Variants in ZNRF3 observed in about 807,000 individuals in gnomAD.
ZNRF3 encodes zinc and ring finger 3.
In ZNRF3, 23 loss-of-function variants were observed where a neutral mutation model predicts 72.5. That is an observed-to-expected ratio of 0.32 (90% CI 0.23 to 0.45). The LOEUF (loss-of-function observed/expected upper bound fraction) is 0.45. ZNRF3 is among the 20% of genes least tolerant of loss of function. The pLI, the probability that ZNRF3 is intolerant of heterozygous loss-of-function variation, is 1.00. For missense variants in ZNRF3, 1,169 were observed against 1,272.1 expected (o/e 0.92, Z 1.23); for synonymous variants, 610 against 545.3 (o/e 1.12, Z -1.65).
Position 29,050,536 on chromosome 22 carries a change from G to A in ZNRF3, c.2355G>A (p.Lys785=), listed in dbSNP as rs1300338370. Residue 785 remains lysine (K), a synonymous_variant, in exon 8 of 9, where the codon AAG becomes AAA. Coordinates refer to ENST00000544604, the MANE Select transcript of ZNRF3 (RefSeq NM_001206998.2). The stretch of plus-strand genomic sequence containing the variant: ...TGCCCTGCTGCTTCTATGAAGAGAA[G>A]CAGGTGGCCCGCGGGGGCGGAGGGG... The part of the protein sequence containing the change: ...EGLPCCFYEE[K]QVARGGGGGS... The A allele has an allele frequency of 6.2e-7, 1 of 1,611,624 alleles. No individual in the cohort carries two copies. The highest frequency in any genetic ancestry group is 8.5e-7 in the Non-Finnish European group (1 of 1,179,326).
rs766978356 is a variant in ZNRF3, at chr22:29,046,702, AT to A, written c.745-12del. On this transcript the variant is annotated splice_polypyrimidine_tract_variant and intron_variant, in intron 5 of 8. Coordinates refer to ENST00000544604, the MANE Select transcript of ZNRF3 (RefSeq NM_001206998.2). Reference sequence around the variant, plus strand: ...CGTACTGGACCCTCACACAGACTACATTCTGCCCTGCAGAATTCCATGAACA... The same window carrying A: ...CGTACTGGACCCTCACACAGACTACATCTGCCCTGCAGAATTCCATGAACA... 1.3e-6 allele frequency: 2 copies of A among 1,589,870 alleles called. No homozygotes were observed. The highest frequency in any genetic ancestry group is 1.7e-6 in the Non-Finnish European group (2 of 1,167,450).
At chr22:28,950,304 C>T (rs558346523) in intron 1 of ZNRF3, among the ~76,000 whole-genome samples, 3 of 152,178 alleles carry the variant, frequency 2.0e-5, no homozygotes, top group Admixed American at 1.3e-4. Context: ...GGGATGAGAA[C>T]CACTGGGCTA....
Position 29,042,473 on chromosome 22 carries a change from G to C in ZNRF3, c.427-22G>C, listed in dbSNP as rs369592516. 7.1e-5 allele frequency: 115 copies of C among 1,612,500 alleles called. No homozygotes were observed. In the African/African-American group the frequency reaches 1.3e-3, roughly 19 times the overall value. On this transcript the variant is annotated intron_variant, in intron 2 of 8. Transcript: ENST00000544604. Reference sequence around the variant, plus strand: ...GGTAAGAGGACCAGAGGGCCAACCTGCTGTTTTTTTAACTCTGGCAGGCCA... The same window carrying C: ...GGTAAGAGGACCAGAGGGCCAACCTCCTGTTTTTTTAACTCTGGCAGGCCA...
intron 1 of ZNRF3, 62 bp downstream of exon 1, chr22:28,884,128 C>T: frequency 9.6e-7 from 1 of 1,039,998 alleles, no homozygotes; most frequent in Non-Finnish European, 1.2e-6. Flanking sequence ...GGGGGCTGCG[C>T]CCGCCGACCC....
intron 2 of ZNRF3, among the ~76,000 whole-genome samples, chr22:29,023,280 G>A (rs531696222): frequency 6.6e-6 from 1 of 152,344 alleles, no homozygotes; most frequent in South Asian, 2.1e-4. Context: ...AGGGTTGACA[G>A]GAAGCAGTTG....
intron 1 of ZNRF3, among the ~76,000 whole-genome samples, chr22:28,923,832 A>G (rs1262763396): frequency 6.6e-6 from 1 of 152,258 alleles, no homozygotes; most frequent in Non-Finnish European, 1.5e-5. Context: ...GAGATGGTGT[A>G]TGTGTTTCAC....
chr22:29,037,615 AT>A, intron 2 of ZNRF3, among the ~76,000 whole-genome samples: 1 of 152,278 alleles, frequency 6.6e-6, no homozygotes, highest in Non-Finnish European at 1.5e-5. Flanking sequence ...TACTTTGCAA[AT>A]GTATTTTAAG....
Position 28,883,750 on chromosome 22 carries a change from C to T in ZNRF3, c.-17C>T. The T allele has an allele frequency of 1.0e-6, 1 of 981,350 alleles. No individual in the cohort carries two copies. Among genetic ancestry groups the T allele is most frequent in the South Asian group, 4.5e-5 (1 of 22,026 alleles). The allele number at this position is 981,350 out of a possible 1,614,324, so 60.8% of individuals were successfully genotyped here. A position where few individuals can be genotyped will look rare whatever the true frequency, so the allele number is the denominator to read the frequency against. On this transcript the variant is annotated 5_prime_UTR_variant, in exon 1 of 9. Coordinates refer to ENST00000544604, the MANE Select transcript of ZNRF3 (RefSeq NM_001206998.2). The surrounding 1 kb of genome is among the most constrained non-coding windows in gnomAD (Gnocchi z 5.5). Reference sequence around the variant, plus strand: ...GCCCGGCCGCGCCCGCCCTCCGCGCCCTCCCGCCGCAGGACCATGAGGCCG... The same window carrying T: ...GCCCGGCCGCGCCCGCCCTCCGCGCTCTCCCGCCGCAGGACCATGAGGCCG...
chr22:28,985,453 C>T (rs1308249857), intron 1 of ZNRF3, among the ~76,000 whole-genome samples: 11 of 152,206 alleles, frequency 7.2e-5, no homozygotes, highest in South Asian at 4.1e-4. Flanking sequence ...TCAGCAGCTG[C>T]GCAAAGCCTC....
At chr22:28,963,261 C>T (rs2035398084) in intron 1 of ZNRF3, among the ~76,000 whole-genome samples, 1 of 152,170 alleles carries the variant, frequency 6.6e-6, no homozygotes, top group Admixed American at 6.5e-5. Flanking sequence ...CAGAGGGCCC[C>T]AGAGAGGGAG....
intron 2 of ZNRF3, among the ~76,000 whole-genome samples, chr22:29,016,405 C>G (rs984054789): frequency 6.3e-5 from 9 of 141,916 alleles, no homozygotes; most frequent in African/African-American, 1.8e-4. Context: ...ATAAGAGGTT[C>G]TTCTAGAACC....
At chr22:28,946,154 G>A (rs2123791170) in intron 1 of ZNRF3, among the ~76,000 whole-genome samples, 1 of 152,242 alleles carries the variant, frequency 6.6e-6, no homozygotes, top group South Asian at 2.1e-4. Context: ...TCGGATAAGG[G>A]ACACCCCAGC....
chr22:29,017,811 G>T (rs1372111072), intron 2 of ZNRF3, among the ~76,000 whole-genome samples: 2 of 152,130 alleles, frequency 1.3e-5, no homozygotes, highest in South Asian at 2.1e-4. Flanking sequence ...GTGCAGAAAA[G>T]ACTCATAAGA....
chr22:28,935,589 G>GT (rs2034804845), intron 1 of ZNRF3, among the ~76,000 whole-genome samples: 2 of 152,178 alleles, frequency 1.3e-5, no homozygotes, highest in Non-Finnish European at 2.9e-5. Context: ...TTGAAGTAAT[G>GT]TGTGGGTAGG....
chr22:28,915,965 T>G (rs983243938), intron 1 of ZNRF3, among the ~76,000 whole-genome samples: 3 of 152,238 alleles, frequency 2.0e-5, no homozygotes, highest in African/African-American at 7.2e-5. Flanking sequence ...CCACCCTTCC[T>G]CCCTTCCTTC....
chr22:28,937,217 T>TGTA (rs2034853972), intron 1 of ZNRF3, among the ~76,000 whole-genome samples: 1 of 4,824 alleles, frequency 2.1e-4, no homozygotes, highest in African/African-American at 2.8e-4. Context: ...ATATATATAT[T>TGTA]TTTTTTTTTT....
chr22:29,004,753 C>T (rs967836367), intron 2 of ZNRF3, among the ~76,000 whole-genome samples: 2 of 152,178 alleles, frequency 1.3e-5, no homozygotes, highest in African/African-American at 2.4e-5. Flanking sequence ...GGGCGGGTGG[C>T]GGCTGCAGTG....
At chr22:28,908,698 A>G (rs1420262365) in intron 1 of ZNRF3, among the ~76,000 whole-genome samples, 1 of 152,164 alleles carries the variant, frequency 6.6e-6, no homozygotes, top group East Asian at 1.9e-4. Flanking sequence ...ATGCGCGGTC[A>G]GTTGGATGCA....
rs1204263498 is a variant in ZNRF3, at chr22:28,966,674, GGATATAAAGAAATTTTT to G, written c.301-20401_301-20385del. On this transcript the variant is annotated intron_variant, in intron 1 of 8. Coordinates refer to ENST00000544604, the MANE Select transcript of ZNRF3 (RefSeq NM_001206998.2). ...TGATAGAAAAAAGCTTATGAAATAA[GGATATAAAGAAATTTTT>G]TTACAGCTGTACAATGTGTTTCTTA... Among the ~76,000 whole-genome samples the G allele has an allele frequency of 1.6e-4, 25 of 151,692 alleles. 1 individual carries two copies. Among genetic ancestry groups the G allele is most frequent in the Admixed American group, 1.6e-3 (25 of 15,224 alleles).
Sources: allele counts gnomAD v4.1 joint callset (sites outside exome capture counted in the v4.1 genomes callset), GRCh38; gene constraint gnomAD v4.1.1; non-coding constraint Gnocchi (gnomAD v3.1); transcripts MANE v1.5; gene names NCBI Gene and HGNC (gene_info 2026-07-23, HGNC 2026-07-21).